NBAS: variants seen among roughly 807,000 people sequenced by gnomAD.
NBAS encodes the protein NBAS subunit of NRZ tethering complex, also known as NAG/BC035112 fusion.
Under a neutral mutation model 302.5 loss-of-function variants are expected in NBAS, and 219 were observed. That is an observed-to-expected ratio of 0.72 (90% CI 0.65 to 0.81). NBAS has a LOEUF of 0.81. NBAS is among the 30% of genes least tolerant of loss of function. The pLI is 0.00. For synonymous variants in NBAS, 1,118 were observed against 1,021.6 expected, an observed-to-expected ratio of 1.09 and a Z score of -1.80; for missense variants, 2,932 against 2,841.6, an observed-to-expected ratio of 1.03 and a Z score of -0.72.
the NBAS span, among the ~76,000 whole-genome samples, chr2:15,052,927 T>G: frequency 6.6e-6 from 1 of 152,238 alleles, no homozygotes; most frequent in South Asian, 2.1e-4. Flanking sequence ...AATTTAAAAT[T>G]CTGAAGGGGA....
rs1047933977 is a variant in NBAS at position 15,192,242 on chromosome 2, T to A, written c.6433-1839A>T. ...CCTTGAAAGAAGAGGCTATTTTTTT[T>A]TTTTTTTTGTCCACTGGTCTATCTC... On this transcript the variant is annotated intron_variant, in intron 48 of 51. Coordinates refer to ENST00000281513, the MANE Select transcript of NBAS (RefSeq NM_015909.4). 1.7e-3 allele frequency among the ~76,000 whole-genome samples: 256 copies of A among 152,180 alleles called. 4 individuals are homozygous for A. The highest frequency in any genetic ancestry group is 0.016 in the Admixed American group (238 of 15,256).
At chr2:15,436,855 A>G (rs181775048) in intron 21 of NBAS, among the ~76,000 whole-genome samples, 6 of 152,160 alleles carry the variant, frequency 3.9e-5, no homozygotes, top group African/African-American at 1.4e-4. Flanking sequence ...TTGATTCGTT[A>G]GTGGAATACC....
At chr2:14,846,293 C>G in the NBAS span, among the ~76,000 whole-genome samples, 6 of 151,736 alleles carry the variant, frequency 4.0e-5, no homozygotes, top group Admixed American at 2.6e-4. Context: ...TTATAGAAAA[C>G]CTATTATATA....
At chr2:15,422,889 A>C (rs894684701) in intron 23 of NBAS, among the ~76,000 whole-genome samples, 4 of 152,250 alleles carry the variant, frequency 2.6e-5, no homozygotes, top group African/African-American at 9.6e-5. Context: ...AAAAGGCTCA[A>C]ACAAAACTTG....
At chr2:15,430,508 C>A (rs1029987637) in intron 21 of NBAS, among the ~76,000 whole-genome samples, 1 of 152,160 alleles carries the variant, frequency 6.6e-6, no homozygotes, top group Non-Finnish European at 1.5e-5. Flanking sequence ...ATGCTGTTAA[C>A]ATAAAATGTC....
intron 44 of NBAS, among the ~76,000 whole-genome samples, chr2:15,245,563 CA>C (rs1668054953): frequency 6.6e-6 from 1 of 152,008 alleles, no homozygotes; most frequent in African/African-American, 2.4e-5. Flanking sequence ...TCCCAAAGCC[CA>C]GAATTGTGGC....
intron 11 of NBAS, among the ~76,000 whole-genome samples, chr2:15,495,970 C>G (rs1681051942): frequency 6.6e-6 from 1 of 151,968 alleles, no homozygotes; most frequent in Admixed American, 6.6e-5. Context: ...AACTTGCACA[C>G]AAATGTTCAC....
chr2:15,026,794 G>T, the NBAS span, among the ~76,000 whole-genome samples: 1 of 152,076 alleles, frequency 6.6e-6, no homozygotes, highest in African/African-American at 2.4e-5. Flanking sequence ...TAATTTATCT[G>T]AAATATATTT....
chr2:15,115,104 G>A, the NBAS span, among the ~76,000 whole-genome samples: 5 of 152,148 alleles, frequency 3.3e-5, no homozygotes, highest in Admixed American at 3.3e-4. Context: ...CTGTCTTCAT[G>A]AACTCTCTAT....
chr2:15,379,923 A>C, intron 29 of NBAS, 92 bp from the exon 30 acceptor site: 1 of 1,187,296 alleles, frequency 8.4e-7, no homozygotes, highest in Non-Finnish European at 1.2e-6. Context: ...GAAAGAAATT[A>C]AAAACACATC....
chr2:15,272,318 T>C (rs533208689), intron 44 of NBAS, among the ~76,000 whole-genome samples: 2 of 152,342 alleles, frequency 1.3e-5, no homozygotes, highest in South Asian at 2.1e-4. Context: ...ACACTGTGTA[T>C]GAATAGTACA....
chr2:15,176,844 G>T (rs1174899434), intron 51 of NBAS, among the ~76,000 whole-genome samples: 1 of 152,180 alleles, frequency 6.6e-6, no homozygotes, highest in African/African-American at 2.4e-5. Context: ...TGAAGAATGT[G>T]AGAGACCTTG....
chr2:15,147,348 C>A, the NBAS span, among the ~76,000 whole-genome samples: 1 of 152,034 alleles, frequency 6.6e-6, no homozygotes, highest in South Asian at 2.1e-4. Context: ...AATCCCAGCA[C>A]TTTGGGAGGC....
chr2:15,511,861 C>T (rs753790972), intron 9 of NBAS, among the ~76,000 whole-genome samples: 34 of 152,204 alleles, frequency 2.2e-4, no homozygotes, highest in South Asian at 6.2e-4. Flanking sequence ...GTTCACTTTT[C>T]TGTTTGTTAC....
intron 9 of NBAS, among the ~76,000 whole-genome samples, chr2:15,531,603 C>T (rs1188142063): frequency 1.3e-5 from 2 of 152,154 alleles, no homozygotes; most frequent in African/African-American, 2.4e-5. Context: ...CTATAGCATA[C>T]GAGGCCCTGC....
chr2:14,785,655 T>C, the NBAS span, among the ~76,000 whole-genome samples: 1 of 152,230 alleles, frequency 6.6e-6, no homozygotes, highest in South Asian at 2.1e-4. Flanking sequence ...CAGCCTTGCA[T>C]CCCAGGGATG....
chr2:15,520,361 A>G (rs1018269133), intron 9 of NBAS, among the ~76,000 whole-genome samples: 14 of 152,150 alleles, frequency 9.2e-5, no homozygotes, highest in Non-Finnish European at 1.8e-4. Context: ...AAGATCACAT[A>G]CATCACTGCA....
the NBAS span, among the ~76,000 whole-genome samples, chr2:14,942,253 C>G: frequency 5.9e-5 from 9 of 152,134 alleles, no homozygotes; most frequent in Non-Finnish European, 1.3e-4. Flanking sequence ...GTGTCCCCAC[C>G]AAATCTCGTG....
At chr2:15,141,772 C>G in the NBAS span, among the ~76,000 whole-genome samples, 2 of 152,148 alleles carry the variant, frequency 1.3e-5, no homozygotes, top group African/African-American at 2.4e-5. Context: ...AAAACCTGTG[C>G]TTTCTTTAGC....
Sources: gnomAD v4.1 joint callset for allele counts (sites outside exome capture counted in the v4.1 genomes callset) on GRCh38, gnomAD v4.1.1 for gene constraint, MANE v1.5 for transcripts, NCBI Gene and HGNC (gene_info 2026-07-23, HGNC 2026-07-21) for gene names.